Variants in SMAP2 observed in about 807,000 individuals in gnomAD.
The protein encoded by SMAP2 is stromal membrane-associated protein 2.
In SMAP2, 25 loss-of-function variants were observed where a neutral mutation model predicts 56.4. The observed-to-expected ratio is 0.44, with a 90% confidence interval of 0.32 to 0.62. The LOEUF (loss-of-function observed/expected upper bound fraction) is 0.62, where lower values mean the gene tolerates loss of function less well. Among genes scored for constraint, SMAP2 ranks in the 20% least tolerant of loss-of-function variants. The probability of loss-of-function intolerance (pLI) is 0.04; values close to 1 mark genes in which losing one functional copy is unlikely to be tolerated. For synonymous variants in SMAP2, 157 were observed against 181.7 expected (o/e 0.86, Z 1.09); for missense variants, 388 against 545.6 (o/e 0.71, Z 2.88).
upstream of SMAP2, chr1:40,373,660 G>T (rs989456322): frequency 8.1e-5 from 13 of 159,608 alleles, no homozygotes; most frequent in Non-Finnish European, 1.5e-4. Context: ...GGCGCGGTGG[G>T]GGCGGGGCGC....
In SMAP2 at chr1:40,416,781, A is replaced by G. The variant is rs1347476638; in HGVS notation, c.849A>G (p.Ala283=). The change falls in exon 9 of 10, where the codon GCA becomes GCG. Residue 283 remains alanine (A), a splice_region_variant and synonymous_variant. Transcript: ENST00000372718. ...GSQTPQMPTQ[A]MFMAPAQMAY... ...CCTGTATGTGTGTTTTCTTGGCAGC[A>G]ATGTTCATGGCTCCCGCTCAGATGG... 1 of 1,593,434 alleles carries G rather than the reference A, an allele frequency of 6.3e-7. No homozygotes were observed. The highest frequency in any genetic ancestry group is 2.3e-5 in the East Asian group (1 of 44,268).
rs1402084021 is a variant in SMAP2 at position 40,373,920 on chromosome 1, C to G, written c.-201C>G. On this transcript the variant is annotated 5_prime_UTR_variant, in exon 1 of 10. Coordinates refer to ENST00000372718, the MANE Select transcript of SMAP2 (RefSeq NM_022733.3). ...GCCTGTCCCTAAGCCCGCCAAGGGG[C>G]GCCGCGCCGAGGGGCTGCGGAGTGG... The G allele has an allele frequency of 1.9e-6, 1 of 533,656 alleles. No homozygotes were observed. The highest frequency in any genetic ancestry group is 3.4e-6 in the Non-Finnish European group (1 of 298,322). 33.1% of individuals were successfully genotyped at this position (533,656 alleles called of 1,614,324 possible).
At chr1:40,379,555 C>CT (rs35398664) in intron 1 of SMAP2, among the ~76,000 whole-genome samples, 7,310 of 77,760 alleles carry the variant, frequency 0.094, 417 homozygotes, top group East Asian at 0.2. Flanking sequence ...TGTTGTCTCT[C>CT]TTTTTTTTTT....
At chr1:40,391,023 G>A (rs182629779) in intron 1 of SMAP2, among the ~76,000 whole-genome samples, 34 of 152,258 alleles carry the variant, frequency 2.2e-4, no homozygotes, top group South Asian at 6.2e-4. Flanking sequence ...CTTGTTGTGG[G>A]CACTGTCCAG....
intron 8 of SMAP2, 50 bp from the exon 9 acceptor site, chr1:40,416,730 C>G: frequency 6.5e-7 from 1 of 1,547,562 alleles, no homozygotes; most frequent in East Asian, 2.3e-5. Context: ...TTCGGGCTGA[C>G]TTTATGTTTT....
In SMAP2 at chr1:40,422,159, G is replaced by T. The variant is rs535315276; in HGVS notation, c.*58G>T. On this transcript the variant is annotated 3_prime_UTR_variant, in exon 10 of 10. Transcript: ENST00000372718. ...CAGCCCTCGCTCTCCCCTTTCCACAGCCTCCACCCCTGACCCCCATCCTCT... is the reference window on the plus strand; with the variant it reads ...CAGCCCTCGCTCTCCCCTTTCCACATCCTCCACCCCTGACCCCCATCCTCT... 1,082 of 1,601,858 alleles carry T rather than the reference G, an allele frequency of 6.8e-4. 1 individual carries two copies. The highest frequency in any genetic ancestry group is 8.3e-4 in the Non-Finnish European group (979 of 1,174,908).
rs1644514817 is a variant in SMAP2, at chr1:40,373,771, C to A, written c.-350C>A. On this transcript the variant is annotated 5_prime_UTR_variant, in exon 1 of 10. Coordinates refer to ENST00000372718, the MANE Select transcript of SMAP2 (RefSeq NM_022733.3). ...ACGGCAGCTGCCAGGGAAACCGAGG[C>A]GCGGGACGCAAGGCCAGCAGACAGG... The A allele has an allele frequency of 3.1e-5, 6 of 191,996 alleles. No individual in the cohort carries two copies. In the South Asian group the frequency reaches 5.7e-4, roughly 18 times the overall value. 11.9% of individuals were successfully genotyped at this position (191,996 alleles called of 1,614,324 possible).
chr1:40,413,164 G>C, intron 5 of SMAP2, 62 bp downstream of exon 5: 1 of 1,299,346 alleles, frequency 7.7e-7, no homozygotes. Flanking sequence ...TTGTGAAAGG[G>C]AAAGTAGGAG....
At chr1:40,349,548 C>T (rs1438916488) in intron 1 of SMAP2, among the ~76,000 whole-genome samples, 1 of 151,954 alleles carries the variant, frequency 6.6e-6, no homozygotes, top group East Asian at 1.9e-4. Flanking sequence ...TTGATGGAAT[C>T]TCACTCTGTC....
At chr1:40,375,875 T>G in intron 1 of SMAP2, 1 of 581,650 alleles carries the variant, frequency 1.7e-6, no homozygotes, top group Non-Finnish European at 2.2e-6. Flanking sequence ...CATATTCCAA[T>G]AAAATACAGC....
chr1:40,402,281 A>G (rs1384529797), intron 1 of SMAP2, among the ~76,000 whole-genome samples: 4 of 152,218 alleles, frequency 2.6e-5, no homozygotes, highest in African/African-American at 9.6e-5. Context: ...TAATAACCAA[A>G]TCATGATAAT....
Position 40,422,287 on chromosome 1 carries a change from A to G in SMAP2, c.*186A>G. The G allele has an allele frequency of 1.4e-6, 1 of 704,476 alleles. No homozygotes were observed. 43.6% of individuals were successfully genotyped at this position (704,476 alleles called of 1,614,324 possible). A position where few individuals can be genotyped will look rare whatever the true frequency, so the allele number is the denominator to read the frequency against. ...AACATGAAGACCTCTCTGTTGCTTT[A>G]TGTTGTACATGCCCCATAGCCATCC... On this transcript the variant is annotated 3_prime_UTR_variant, in exon 10 of 10. Coordinates refer to ENST00000372718, the MANE Select transcript of SMAP2 (RefSeq NM_022733.3).
intron 1 of SMAP2, among the ~76,000 whole-genome samples, chr1:40,377,994 A>G (rs984060011): frequency 1.3e-5 from 2 of 152,208 alleles, no homozygotes; most frequent in Non-Finnish European, 2.9e-5. Flanking sequence ...GATTACTTAT[A>G]ATATCTAATA....
chr1:40,350,923 C>G (rs1644406903), intron 1 of SMAP2, among the ~76,000 whole-genome samples: 1 of 152,146 alleles, frequency 6.6e-6, no homozygotes, highest in African/African-American at 2.4e-5. Context: ...CTATTCTGCC[C>G]CATTCTGCTC....
At chr1:40,355,680 G>T (rs1190404879) in intron 1 of SMAP2, among the ~76,000 whole-genome samples, 1 of 152,032 alleles carries the variant, frequency 6.6e-6, no homozygotes, top group Non-Finnish European at 1.5e-5. Flanking sequence ...GGAGTGCAGT[G>T]GCACCGGTCA....
In SMAP2 at chr1:40,408,456, G is replaced by C. The variant is rs1056546470; in HGVS notation, c.238-197G>C. On this transcript the variant is annotated intron_variant, in intron 2 of 9. Coordinates refer to ENST00000372718, the MANE Select transcript of SMAP2 (RefSeq NM_022733.3). The surrounding 1 kb of genome is among the most constrained non-coding windows in gnomAD (Gnocchi z 4.3). ...GAACCTATGGAGTGGGGGAAAGACA[G>C]CTTGGGGCAAATGATTGGGAAATCC... Among the ~76,000 whole-genome samples the C allele has an allele frequency of 6.6e-6, 1 of 152,198 alleles. No individual in the cohort carries two copies. Among genetic ancestry groups the C allele is most frequent in the Non-Finnish European group, 1.5e-5 (1 of 68,028 alleles).
chr1:40,402,650 C>G (rs569244351), intron 1 of SMAP2, among the ~76,000 whole-genome samples: 1 of 152,062 alleles, frequency 6.6e-6, no homozygotes, highest in Non-Finnish European at 1.5e-5. Flanking sequence ...GGGGTTTCAC[C>G]GTGTTGGCCA....
chr1:40,374,805 TG>T lies in SMAP2; in HGVS notation c.103+584del, dbSNP rs1224691112. On this transcript the variant is annotated intron_variant, in intron 1 of 9. Coordinates refer to ENST00000372718, the MANE Select transcript of SMAP2 (RefSeq NM_022733.3). This position sits in a 1 kb window ranked among gnomAD's most constrained non-coding sequence, Gnocchi z 5.9. Reference sequence around the variant, plus strand: ...GAGTGCTTAGGTGACTTTATTCTTCTGGATGTGTGCAGTGGGAAACTGCCTT... The same window carrying T: ...GAGTGCTTAGGTGACTTTATTCTTCTGATGTGTGCAGTGGGAAACTGCCTT... 2.2e-5 allele frequency: 34 copies of T among 1,549,924 alleles called. No individual in the cohort carries two copies.
chr1:40,423,198 T>C lies in SMAP2; in HGVS notation c.*1097T>C, dbSNP rs1343405895. Reference sequence around the variant, plus strand: ...CCGGGACAGCTTTCCTCTCAGTCATTGTTCACCCCACTTGAAAATTCAGAC... The same window carrying C: ...CCGGGACAGCTTTCCTCTCAGTCATCGTTCACCCCACTTGAAAATTCAGAC... On this transcript the variant is annotated 3_prime_UTR_variant, in exon 10 of 10. Transcript: ENST00000372718. The C allele has an allele frequency of 6.5e-6, 1 of 152,672 alleles. No individual in the cohort carries two copies. The highest frequency in any genetic ancestry group is 6.5e-5 in the Admixed American group (1 of 15,280). 9.5% of individuals were successfully genotyped at this position (152,672 alleles called of 1,614,324 possible).
Sources: gnomAD v4.1 joint callset for allele counts (sites outside exome capture counted in the v4.1 genomes callset) on GRCh38, gnomAD v4.1.1 for gene constraint, Gnocchi (gnomAD v3.1) non-coding constraint, MANE v1.5 for transcripts, NCBI Gene and HGNC (gene_info 2026-07-23, HGNC 2026-07-21) for gene names.